KIAA0753: variants seen among roughly 807,000 people sequenced by gnomAD.
KIAA0753 encodes KIAA0753.
In KIAA0753, 114 loss-of-function variants were observed where a neutral mutation model predicts 116.9. The observed-to-expected ratio is 0.98, with a 90% confidence interval of 0.84 to 1.14. The LOEUF is 1.14. Among genes scored for constraint, KIAA0753 ranks in the 50% most tolerant of loss-of-function variants. KIAA0753 has a pLI of 0.00. For synonymous variants in KIAA0753, 405 were observed against 413.1 expected (o/e 0.98, Z 0.24); for missense variants, 1,156 against 1,172.4 (o/e 0.99, Z 0.20).
At chr17:6,638,236 C>G (rs943887981) in intron 1 of KIAA0753, 2 of 153,060 alleles carry the variant, frequency 1.3e-5, no homozygotes, top group African/African-American at 4.8e-5. Flanking sequence ...GGATTCCTCC[C>G]CGCCAGACCA....
chr17:6,579,898 C>A (rs1029009031), intron 18 of KIAA0753, 34 bp from the exon 19 acceptor site: 3 of 1,535,006 alleles, frequency 2.0e-6, no homozygotes, highest in Non-Finnish European at 9.0e-7. Flanking sequence ...AAGGTATGTA[C>A]AAGGCCAGGC....
chr17:6,620,098 G>T (rs1221795794), intron 7 of KIAA0753, among the ~76,000 whole-genome samples: 2 of 152,140 alleles, frequency 1.3e-5, no homozygotes, highest in African/African-American at 4.8e-5. Context: ...TAAAGAATAT[G>T]AACAGGCAAA....
chr17:6,587,373 C>T (rs1222798830), intron 18 of KIAA0753, among the ~76,000 whole-genome samples: 2 of 152,184 alleles, frequency 1.3e-5, no homozygotes, highest in Non-Finnish European at 2.9e-5. Flanking sequence ...TAGCTCTGTC[C>T]TCTACATTTT....
chr17:6,637,466 G>A (rs1972403144), intron 1 of KIAA0753: 1 of 152,526 alleles, frequency 6.6e-6, no homozygotes, highest in Non-Finnish European at 1.5e-5. Flanking sequence ...ATTGGCCCTG[G>A]AAGCCCGGGA....
chr17:6,598,334 C>T (rs1969618148), intron 14 of KIAA0753, among the ~76,000 whole-genome samples: 1 of 152,192 alleles, frequency 6.6e-6, no homozygotes, highest in Non-Finnish European at 1.5e-5. Flanking sequence ...TTAGAAGCCT[C>T]ACCTCACATC....
intron 10 of KIAA0753, among the ~76,000 whole-genome samples, chr17:6,607,763 GAAT>G (rs2150820684): frequency 6.6e-6 from 1 of 152,332 alleles, no homozygotes; most frequent in Non-Finnish European, 1.5e-5. Context: ...ATAACTGTAA[GAAT>G]AATTTCAGCC....
chr17:6,591,711 T>C (rs1251143077), intron 16 of KIAA0753, among the ~76,000 whole-genome samples: 1 of 152,248 alleles, frequency 6.6e-6, no homozygotes, highest in Non-Finnish European at 1.5e-5. Context: ...GACTGTCTTC[T>C]ACATGATGCA....
In KIAA0753 at chr17:6,594,973, A is replaced by G; in HGVS notation, c.2439T>C (p.Asn813=). 1 of 1,606,824 alleles carries G rather than the reference A, an allele frequency of 6.2e-7. No individual in the cohort carries two copies. Among genetic ancestry groups the G allele is most frequent in the Non-Finnish European group, 8.5e-7 (1 of 1,174,472 alleles). Residue 813 remains asparagine (N), a splice_region_variant and synonymous_variant, in exon 16 of 19, where the codon AAT becomes AAC. Transcript: ENST00000361413. ...DPRLWMQEEN[N]DQKISAISEK... is the part of the protein sequence containing the mutation. ...GGAAAAACATGGGGAAACACTCACC[A>G]TTGTTTTCTTCCTGCATCCAAAGTC...
chr17:6,612,227 G>A lies in KIAA0753; in HGVS notation c.1316-79C>T. On this transcript the variant is annotated intron_variant, in intron 7 of 18. Coordinates refer to ENST00000361413, the MANE Select transcript of KIAA0753 (RefSeq NM_014804.3). ...TGCTGAGAATGATTATCTACACACA[G>A]ATAGGCTCCAAATACCTATCCTAGC... 11 of 1,055,130 alleles carry A rather than the reference G, an allele frequency of 1.0e-5. 1 individual carries two copies. In the South Asian group the frequency reaches 1.6e-4, roughly 15 times the overall value. 65.4% of individuals were successfully genotyped at this position (1,055,130 alleles called of 1,614,324 possible). A position where few individuals can be genotyped will look rare whatever the true frequency, so the allele number is the denominator to read the frequency against.
chr17:6,599,121 A>G (rs923160144), intron 14 of KIAA0753, 116 bp downstream of exon 14: 2 of 712,014 alleles, frequency 2.8e-6, no homozygotes, highest in Non-Finnish European at 4.9e-6. Flanking sequence ...AATAATATTC[A>G]TACTTCTTGA....
intron 18 of KIAA0753, among the ~76,000 whole-genome samples, chr17:6,585,689 A>C (rs183484697): frequency 1.3e-5 from 2 of 152,228 alleles, no homozygotes; most frequent in Admixed American, 6.5e-5. Context: ...ATTCCCTGGA[A>C]GTTCCTTTTT....
At chr17:6,634,095 CTT>C (rs59023654) in intron 2 of KIAA0753, among the ~76,000 whole-genome samples, 9 of 130,156 alleles carry the variant, frequency 6.9e-5, no homozygotes, top group African/African-American at 8.5e-5. Flanking sequence ...AGGGTGAATT[CTT>C]TTTTTTTTTT....
At chr17:6,594,522 A>G (rs1294743805) in intron 16 of KIAA0753, among the ~76,000 whole-genome samples, 1 of 152,214 alleles carries the variant, frequency 6.6e-6, no homozygotes, top group Non-Finnish European at 1.5e-5. Context: ...AAGCTAACTC[A>G]GAAAGCACAG....
rs760468772 is a variant in KIAA0753 at position 6,612,092 on chromosome 17, C to A, written c.1372G>T (p.Asp458Tyr). 2 of 1,614,194 alleles carry A rather than the reference C, an allele frequency of 1.2e-6. No individual in the cohort carries two copies. Among genetic ancestry groups the A allele is most frequent in the Non-Finnish European group, 1.7e-6 (2 of 1,179,998 alleles). ...AGAACTATATCCGCATCTAATACAT[C>A]AAGCTCACTCTGCAACCTCTGGGTC... is the stretch of plus-strand genomic sequence containing the variant. ...PETQRLQSELDVLDADIVLEE... is the reference protein window; with the variant it reads ...PETQRLQSELYVLDADIVLEE... The change falls in exon 8 of 19, where the codon GAT becomes TAT. Residue 458 changes from aspartate (D) to tyrosine (Y), a missense_variant. Asp to Tyr is a radical substitution (Grantham distance 160, BLOSUM62 -3). Coordinates refer to ENST00000361413, the MANE Select transcript of KIAA0753 (RefSeq NM_014804.3).
intron 3 of KIAA0753, among the ~76,000 whole-genome samples, 167 bp downstream of exon 3, chr17:6,627,950 C>T (rs1474267404): frequency 6.6e-6 from 1 of 152,152 alleles, no homozygotes; most frequent in Non-Finnish European, 1.5e-5. Flanking sequence ...AGACACTGTT[C>T]AAACTCCAAG....
At chr17:6,592,383 C>T (rs945899884) in intron 16 of KIAA0753, among the ~76,000 whole-genome samples, 12 of 152,270 alleles carry the variant, frequency 7.9e-5, no homozygotes, top group East Asian at 1.9e-4. Context: ...GTACTCACGG[C>T]GCTTACATTC....
At chr17:6,610,796 C>G (rs1316302724) in intron 8 of KIAA0753, among the ~76,000 whole-genome samples, 1 of 152,090 alleles carries the variant, frequency 6.6e-6, no homozygotes, top group African/African-American at 2.4e-5. Context: ...CTTAACCTCT[C>G]TGGGCCTTAG....
In KIAA0753 at chr17:6,584,139, C is replaced by T. The variant is rs530276705; in HGVS notation, c.2787-4275G>A. Reference sequence around the variant, plus strand: ...AGAAAGTTCACCAGGACAATTCCCCCACTTTAGCAACCCGTGAATTCCAGC... The same window carrying T: ...AGAAAGTTCACCAGGACAATTCCCCTACTTTAGCAACCCGTGAATTCCAGC... On this transcript the variant is annotated intron_variant, in intron 18 of 18. Transcript: ENST00000361413. 1.4e-4 allele frequency among the ~76,000 whole-genome samples: 9 copies of T among 62,472 alleles called. No homozygotes were observed. In the East Asian group the frequency reaches 5.1e-3, roughly 35 times the overall value. The allele number at this position is 62,472 out of a possible 152,430, so 41.0% of individuals were successfully genotyped here.
chr17:6,599,408 G>A lies in KIAA0753; in HGVS notation c.2089-88C>T, dbSNP rs538014000. ...GAATTCTATTACCAGAATGACTTGT[G>A]TGGAACTATTCATCAGCTTTAGCTA... On this transcript the variant is annotated intron_variant, in intron 13 of 18. Transcript: ENST00000361413. 103 of 900,150 alleles carry A rather than the reference G, an allele frequency of 1.1e-4. No individual in the cohort carries two copies. The South Asian group carries it at 1.5e-3, about 13-fold the overall frequency. The allele number at this position is 900,150 out of a possible 1,614,324, so 55.8% of individuals were successfully genotyped here. A position where few individuals can be genotyped will look rare whatever the true frequency, so the allele number is the denominator to read the frequency against.
Sources: allele counts gnomAD v4.1 joint callset (sites outside exome capture counted in the v4.1 genomes callset), GRCh38; gene constraint gnomAD v4.1.1; transcripts MANE v1.5; gene names NCBI Gene and HGNC (gene_info 2026-07-23, HGNC 2026-07-21).